The following UST variants were observed in gnomAD, a reference collection of about 807,000 sequenced individuals.
UST encodes chondroitin sulfate 2-O-sulfotransferase.
Under a neutral mutation model 45.6 loss-of-function variants are expected in UST, and 21 were observed. That is an observed-to-expected ratio of 0.46 (90% confidence interval 0.33 to 0.66). UST has a LOEUF of 0.66. UST is among the 30% of genes least tolerant of loss of function. The pLI is 0.02. For synonymous variants in UST, 215 were observed against 200.6 expected (o/e 1.07, Z -0.61); for missense variants, 463 against 512.4 (o/e 0.90, Z 0.93).
chr6:148,983,139 G>T (rs1283849756), intron 5 of UST, among the ~76,000 whole-genome samples: 2 of 152,090 alleles, frequency 1.3e-5, no homozygotes, highest in Non-Finnish European at 2.9e-5. Flanking sequence ...AGGGCTTTTC[G>T]CTTTAAAAAA....
At chr6:148,955,215 C>A (rs971298977) in intron 4 of UST, among the ~76,000 whole-genome samples, 3 of 152,216 alleles carry the variant, frequency 2.0e-5, no homozygotes, top group Admixed American at 2.0e-4. Context: ...GTGGCTCCTG[C>A]AGGCCAGGCA....
At chr6:148,917,728 C>T (rs987307172) in intron 2 of UST, among the ~76,000 whole-genome samples, 2 of 152,174 alleles carry the variant, frequency 1.3e-5, no homozygotes, top group Non-Finnish European at 2.9e-5. Flanking sequence ...CAGGGTAGGG[C>T]TGAGGCATCT....
intron 7 of UST, among the ~76,000 whole-genome samples, chr6:149,063,706 C>T (rs572454441): frequency 6.6e-6 from 1 of 152,286 alleles, no homozygotes; most frequent in Non-Finnish European, 1.5e-5. Context: ...CTGACAGCAC[C>T]CTCGTCCTTC....
At chr6:148,818,229 G>T (rs567302264) in intron 1 of UST, among the ~76,000 whole-genome samples, 1 of 149,910 alleles carries the variant, frequency 6.7e-6, no homozygotes. Context: ...TGCAGTCGAC[G>T]ATGTGTCTTA....
intron 5 of UST, among the ~76,000 whole-genome samples, chr6:148,978,670 C>T (rs1325146760): frequency 6.6e-6 from 1 of 151,268 alleles, no homozygotes; most frequent in African/African-American, 2.4e-5. Context: ...CGGGGCCTGT[C>T]AGGGGTTGGG....
At chr6:148,962,992 T>C (rs1322362083) in intron 4 of UST, among the ~76,000 whole-genome samples, 1 of 152,210 alleles carries the variant, frequency 6.6e-6, no homozygotes, top group Admixed American at 6.5e-5. Flanking sequence ...TCATCATTTG[T>C]TGAGCACCTA....
chr6:148,957,877 G>C (rs774712176), intron 4 of UST, among the ~76,000 whole-genome samples: 1 of 152,212 alleles, frequency 6.6e-6, no homozygotes, highest in African/African-American at 2.4e-5. Flanking sequence ...AGGTTCCCAT[G>C]AGAAGAACTG....
At chr6:148,867,811 C>G (rs968407815) in intron 1 of UST, among the ~76,000 whole-genome samples, 1 of 152,146 alleles carries the variant, frequency 6.6e-6, no homozygotes, top group Non-Finnish European at 1.5e-5. Context: ...TGAGAACAGA[C>G]TAATACACAC....
chr6:149,034,562 A>AGCTCTTT (rs1166268937), intron 7 of UST, among the ~76,000 whole-genome samples: 58 of 151,960 alleles, frequency 3.8e-4, no homozygotes, highest in South Asian at 6.3e-4. Flanking sequence ...TTCCACCAAG[A>AGCTCTTT]AAGCTCCTGC....
intron 1 of UST, among the ~76,000 whole-genome samples, chr6:148,759,434 G>A (rs1487478598): frequency 1.3e-5 from 2 of 152,036 alleles, no homozygotes; most frequent in African/African-American, 2.4e-5. Flanking sequence ...GGCTGAGGCA[G>A]GAGAATGTCA....
Position 149,075,052 on chromosome 6 carries a change from C to A in UST, c.*936C>A, listed in dbSNP as rs1193321061. The stretch of plus-strand genomic sequence containing the variant: ...AAGAATGTAGACAAGACAGATAAAT[C>A]TGAAGGTCATGTGGCATCAGGGAAA... On this transcript the variant is annotated 3_prime_UTR_variant, in exon 8 of 8. Coordinates refer to ENST00000367463, the MANE Select transcript of UST (RefSeq NM_005715.3). 6.6e-6 allele frequency: 1 copy of A among 152,218 alleles called. No individual in the cohort carries two copies. The highest frequency in any genetic ancestry group is 2.4e-5 in the African/African-American group (1 of 41,444). The allele number at this position is 152,218 out of a possible 1,614,324, so 9.4% of individuals were successfully genotyped here.
chr6:148,881,797 A>G (rs373383740), intron 1 of UST, among the ~76,000 whole-genome samples: 5 of 152,268 alleles, frequency 3.3e-5, no homozygotes, highest in African/African-American at 9.6e-5. Context: ...CGTTTTGATA[A>G]CAGCACTCAT....
chr6:148,917,793 G>A (rs1779617442), intron 2 of UST, among the ~76,000 whole-genome samples: 1 of 152,184 alleles, frequency 6.6e-6, no homozygotes, highest in South Asian at 2.1e-4. Context: ...ATGAAGGAGC[G>A]GCAGAAAGGA....
chr6:148,870,085 G>C (rs1778518670), intron 1 of UST, among the ~76,000 whole-genome samples: 1 of 129,892 alleles, frequency 7.7e-6, no homozygotes, highest in Admixed American at 7.8e-5. Flanking sequence ...CTTTCCCCCA[G>C]CTTCACAGTG....
At chr6:148,762,586 C>G (rs565703291) in intron 1 of UST, among the ~76,000 whole-genome samples, 6 of 150,182 alleles carry the variant, frequency 4.0e-5, no homozygotes, top group African/African-American at 1.5e-4. Flanking sequence ...ATGCTTTTTA[C>G]ATGGGTATAT....
rs775843239 is a variant in UST at position 148,747,697 on chromosome 6, G to A, written c.247+20G>A. On this transcript the variant is annotated intron_variant, in intron 1 of 7. Transcript: ENST00000367463. The stretch of plus-strand genomic sequence containing the variant: ...ACTTGGGTAAGGAAGCTGGGCAGGC[G>A]CTAGGGCGGCGCCGACAGCGCAAAG... 1.3e-6 allele frequency: 2 copies of A among 1,570,920 alleles called. No homozygotes were observed. Among genetic ancestry groups the A allele is most frequent in the South Asian group, 1.2e-5 (1 of 86,102 alleles).
intron 2 of UST, among the ~76,000 whole-genome samples, chr6:148,917,053 G>C (rs183376092): frequency 2.6e-5 from 4 of 152,190 alleles, no homozygotes; most frequent in Non-Finnish European, 5.9e-5. Context: ...GAGGAGAAAG[G>C]AGTGAAGAAA....
At chr6:149,062,466 G>A (rs1364190318) in intron 7 of UST, among the ~76,000 whole-genome samples, 1 of 152,188 alleles carries the variant, frequency 6.6e-6, no homozygotes, top group African/African-American at 2.4e-5. Flanking sequence ...CATGGAGCTG[G>A]ACACTGGGGA....
At position 148,945,755 on chromosome 6, in the gene UST, C is replaced by T. The variant is rs79888434; in HGVS notation, c.447+4321C>T. ...TTTCACCTAGCGTTTTTGCAGTCTT[C>T]ATTGTTCAGGGGAGTCTTAATGAGT... On this transcript the variant is annotated intron_variant, in intron 3 of 7. Coordinates refer to ENST00000367463, the MANE Select transcript of UST (RefSeq NM_005715.3). 1.4e-3 allele frequency among the ~76,000 whole-genome samples: 215 copies of T among 152,266 alleles called. 1 individual carries two copies. The highest frequency in any genetic ancestry group is 4.0e-3 in the African/African-American group (167 of 41,544).
Sources: gnomAD v4.1 joint callset for allele counts (sites outside exome capture counted in the v4.1 genomes callset) on GRCh38, gnomAD v4.1.1 for gene constraint, MANE v1.5 for transcripts, NCBI Gene and HGNC (gene_info 2026-07-23, HGNC 2026-07-21) for gene names.